The following WDR7 variants were observed in gnomAD, a reference collection of about 807,000 sequenced individuals.
WDR7 encodes WD repeat-containing protein 7.
A neutral mutation model predicts 169.4 loss-of-function variants in WDR7; 46 were observed. The ratio of observed to expected loss-of-function variants is 0.27; its 90% CI spans 0.21 to 0.35. The LOEUF is 0.35. Among genes scored for constraint, WDR7 ranks in the 10% least tolerant of loss-of-function variants. WDR7 has a pLI of 1.00. For missense variants in WDR7, 1,534 were observed against 1,859.3 expected (o/e 0.83, Z 3.22); for synonymous variants, 612 against 666.8 (o/e 0.92, Z 1.27).
chr18:56,826,175 T>C (rs2045200243), intron 20 of WDR7, among the ~76,000 whole-genome samples: 1 of 152,192 alleles, frequency 6.6e-6, no homozygotes, highest in African/African-American at 2.4e-5. Flanking sequence ...TAAGGGTGAA[T>C]TACATTAGAT....
intron 26 of WDR7, among the ~76,000 whole-genome samples, chr18:56,978,811 G>C (rs1329963669): frequency 6.6e-6 from 1 of 152,196 alleles, no homozygotes; most frequent in Non-Finnish European, 1.5e-5. Context: ...CAGGGACACA[G>C]GTATCTACGT....
intron 26 of WDR7, among the ~76,000 whole-genome samples, chr18:57,003,059 G>T (rs17751197): frequency 0.21 from 31,412 of 152,020 alleles, 3,873 homozygotes; most frequent in Middle Eastern, 0.35. Flanking sequence ...ATATTTCACT[G>T]CAGTTTCATC....
chr18:56,757,927 C>A (rs1373751955), intron 15 of WDR7, among the ~76,000 whole-genome samples: 2 of 151,762 alleles, frequency 1.3e-5, no homozygotes, highest in Admixed American at 6.6e-5. Context: ...CACGATTGTG[C>A]CACTGTACTC....
At chr18:56,869,095 A>C (rs1363170276) in intron 20 of WDR7, among the ~76,000 whole-genome samples, 2 of 152,158 alleles carry the variant, frequency 1.3e-5, no homozygotes, top group African/African-American at 2.4e-5. Flanking sequence ...TACTTGAAAA[A>C]CATGTGAATT....
chr18:56,834,087 C>A (rs1333200796), intron 20 of WDR7, among the ~76,000 whole-genome samples: 1 of 152,198 alleles, frequency 6.6e-6, no homozygotes, highest in Non-Finnish European at 1.5e-5. Context: ...GGATTGAGGT[C>A]CTCAGCTCCT....
At chr18:56,798,418 T>C (rs1460391617) in intron 19 of WDR7, among the ~76,000 whole-genome samples, 3 of 152,208 alleles carry the variant, frequency 2.0e-5, no homozygotes, top group African/African-American at 7.2e-5. Flanking sequence ...TTTGGTGATA[T>C]CTGGAGACAT....
chr18:57,031,268 T>C (rs2048440156), downstream of WDR7: 2 of 152,212 alleles, frequency 1.3e-5, no homozygotes, highest in South Asian at 4.1e-4. Flanking sequence ...ATTTTTTTTC[T>C]AGTTTCCCAA....
chr18:56,809,154 TG>T (rs1185259473), intron 19 of WDR7, among the ~76,000 whole-genome samples: 4 of 152,194 alleles, frequency 2.6e-5, no homozygotes, highest in Non-Finnish European at 1.5e-5. Flanking sequence ...TAATGTACAT[TG>T]GTTTTTTATT....
chr18:56,922,389 T>C (rs1335817125), intron 21 of WDR7, among the ~76,000 whole-genome samples: 1 of 152,152 alleles, frequency 6.6e-6, no homozygotes, highest in Non-Finnish European at 1.5e-5. Flanking sequence ...GAGCATTTCA[T>C]GTGATAAAAG....
chr18:56,725,317 G>T lies in WDR7; in HGVS notation c.1775-6066G>T, dbSNP rs539035736. Reference sequence around the variant, plus strand: ...CTCTACATCCTCTCCAGCACCTGTTGTTTCCTGACTTTTTAATGATTGCCA... The same window carrying T: ...CTCTACATCCTCTCCAGCACCTGTTTTTTCCTGACTTTTTAATGATTGCCA... On this transcript the variant is annotated intron_variant, in intron 13 of 27. Coordinates refer to ENST00000254442, the MANE Select transcript of WDR7 (RefSeq NM_015285.3). Among the ~76,000 whole-genome samples, 306 of 151,216 alleles carry T rather than the reference G, an allele frequency of 2.0e-3. 2 individuals are homozygous for T. Among genetic ancestry groups the T allele is most frequent in the Non-Finnish European group, 3.5e-3 (236 of 68,016 alleles).
chr18:56,681,241 A>T, intron 3 of WDR7, 72 bp from the exon 4 acceptor site: 1 of 1,017,428 alleles, frequency 9.8e-7, no homozygotes, highest in Non-Finnish European at 1.5e-6. Context: ...GATTAATTTT[A>T]AATCACTGTG....
intron 17 of WDR7, among the ~76,000 whole-genome samples, chr18:56,777,507 G>C (rs1361461292): frequency 1.3e-5 from 2 of 152,116 alleles, no homozygotes; most frequent in African/African-American, 4.8e-5. Flanking sequence ...CCCTGAAAAT[G>C]GGAATGGGAC....
intron 20 of WDR7, among the ~76,000 whole-genome samples, chr18:56,861,773 T>C (rs2045807251): frequency 6.6e-6 from 1 of 152,174 alleles, no homozygotes; most frequent in Non-Finnish European, 1.5e-5. Context: ...GAAAAATAAG[T>C]ATCATAATAT....
intron 26 of WDR7, among the ~76,000 whole-genome samples, chr18:57,015,066 T>G (rs2048188285): frequency 6.6e-6 from 1 of 152,202 alleles, no homozygotes; most frequent in Admixed American, 6.5e-5. Context: ...TGTTAAACAC[T>G]GAAAAGGGTC....
chr18:56,900,984 T>C (rs1489705839), intron 21 of WDR7, among the ~76,000 whole-genome samples: 1 of 152,248 alleles, frequency 6.6e-6, no homozygotes, highest in African/African-American at 2.4e-5. Context: ...AATTTAGAGC[T>C]GAGATACTAT....
intron 16 of WDR7, among the ~76,000 whole-genome samples, chr18:56,766,537 A>C (rs1159348785): frequency 6.6e-6 from 1 of 151,936 alleles, no homozygotes; most frequent in East Asian, 1.9e-4. Flanking sequence ...GGTCCCATCC[A>C]GTGCACTTTA....
At chr18:57,034,135 T>C (rs992345902), downstream of WDR7, 3 of 150,936 alleles carry the variant, frequency 2.0e-5, no homozygotes, top group African/African-American at 7.3e-5. Flanking sequence ...GGCAAGAGAG[T>C]GAGACTCTGG....
At chr18:56,828,465 G>A (rs980156981) in intron 20 of WDR7, among the ~76,000 whole-genome samples, 1 of 152,152 alleles carries the variant, frequency 6.6e-6, no homozygotes, top group Non-Finnish European at 1.5e-5. Flanking sequence ...ATGTTCTGAT[G>A]TGGCCATTTA....
chr18:56,790,345 AT>A (rs1208383282), intron 19 of WDR7, among the ~76,000 whole-genome samples: 9 of 152,104 alleles, frequency 5.9e-5, no homozygotes, highest in Non-Finnish European at 1.2e-4. Flanking sequence ...GGCATTTATA[AT>A]TTTGTACCCT....
Sources: gnomAD v4.1 joint callset for allele counts (sites outside exome capture counted in the v4.1 genomes callset) on GRCh38, gnomAD v4.1.1 for gene constraint, MANE v1.5 for transcripts, NCBI Gene and HGNC (gene_info 2026-07-23, HGNC 2026-07-21) for gene names.